The following HAUS4 variants were observed in gnomAD, a reference collection of about 807,000 sequenced individuals.
HAUS4 encodes the protein HAUS augmin-like complex subunit 4.
A neutral mutation model predicts 50.6 loss-of-function variants in HAUS4; 34 were observed. The ratio of observed to expected loss-of-function variants is 0.67; its 90% CI spans 0.51 to 0.90. HAUS4 has a LOEUF of 0.90. HAUS4 is among the 40% of genes least tolerant of loss of function. The pLI is 0.00. For missense variants in HAUS4, 370 were observed against 428.7 expected (o/e 0.86, Z 1.21); for synonymous variants, 149 against 161.4 (o/e 0.92, Z 0.58).
At position 22,956,969 on chromosome 14, in the gene HAUS4, G is replaced by GGGGA; in HGVS notation, c.-77_-76insTCCC. 1 of 154,708 alleles carries GGGGA rather than the reference G, an allele frequency of 6.5e-6. No homozygotes were observed. The highest frequency in any genetic ancestry group is 2.0e-4 in the South Asian group (1 of 4,926). 9.6% of individuals were successfully genotyped at this position (154,708 alleles called of 1,614,324 possible). On this transcript the variant is annotated 5_prime_UTR_variant, in exon 1 of 10. Transcript: ENST00000541587. Reference sequence around the variant, plus strand: ...CAAGGCGGTGCCGAGAACCTCGGCTGGGGCGGGCTGGCCAGCAGCGTCTAC... The same window carrying GGGGA: ...CAAGGCGGTGCCGAGAACCTCGGCTGGGGAGGGCGGGCTGGCCAGCAGCGTCTAC...
intron 1 of HAUS4, among the ~76,000 whole-genome samples, chr14:22,956,197 G>A (rs1434729044): frequency 6.6e-6 from 1 of 152,182 alleles, no homozygotes; most frequent in Non-Finnish European, 1.5e-5. Context: ...GCAGAATGCT[G>A]GGACTTAATT....
Position 22,951,648 on chromosome 14 carries a change from C to T in HAUS4, c.372G>A (p.Leu124=), listed in dbSNP as rs754058950. The T allele has an allele frequency of 2.5e-6, 4 of 1,613,926 alleles. No individual in the cohort carries two copies. The highest frequency in any genetic ancestry group is 3.3e-5 in the Admixed American group (2 of 59,982). The part of the protein sequence containing the change: ...TLEQRLLVTE[L]MRLLGPSQER... The stretch of plus-strand genomic sequence containing the variant: ...CCTGGCTAGGACCTAAGAGCCGCAT[C>T]AGTTCAGTTACAAGCAGCCGCTGTT... The change falls in exon 5 of 10, where the codon CTG becomes CTA. Residue 124 remains leucine (L), a synonymous_variant. Transcript: ENST00000541587.
rs914744697 is a variant in HAUS4, at chr14:22,955,137, G to A, written c.18C>T (p.Phe6=). MASGD[F]CSPGEGMEIL... ...TTTCCATCCCTTCTCCAGGTGAGCAGAAATCCCCGGATGCCATTTGATTTT... is the reference window on the plus strand; with the variant it reads ...TTTCCATCCCTTCTCCAGGTGAGCAAAAATCCCCGGATGCCATTTGATTTT... Residue 6 remains phenylalanine (F), a synonymous_variant, in exon 2 of 10, where the codon TTC becomes TTT. Transcript: ENST00000541587. 6.2e-7 allele frequency: 1 copy of A among 1,611,964 alleles called. No individual in the cohort carries two copies.
chr14:22,949,178 T>C (rs577626817), intron 6 of HAUS4, among the ~76,000 whole-genome samples: 1 of 121,608 alleles, frequency 8.2e-6, no homozygotes, highest in South Asian at 2.6e-4. Flanking sequence ...AAAAAAGAAA[T>C]GGTTTAGGGA....
chr14:22,950,225 A>C, intron 6 of HAUS4, 89 bp downstream of exon 6: 1 of 661,848 alleles, frequency 1.5e-6, no homozygotes. Context: ...CCTCTGTCCC[A>C]AATCTAAAAT....
At chr14:22,949,851 G>A (rs915254947) in intron 6 of HAUS4, among the ~76,000 whole-genome samples, 8 of 151,748 alleles carry the variant, frequency 5.3e-5, no homozygotes, top group East Asian at 3.9e-4. Flanking sequence ...TGTTTTGGCC[G>A]GGTGTGGTGG....
chr14:22,952,734 T>C, intron 2 of HAUS4, 51 bp from the exon 3 acceptor site: 1 of 1,459,964 alleles, frequency 6.8e-7, no homozygotes, highest in African/African-American at 1.4e-5. Context: ...GTGTGGACTC[T>C]TACTTTACAT....
rs779358269 is a variant in HAUS4, at chr14:22,947,846, G to T, written c.708+22C>A. 3.7e-6 allele frequency: 6 copies of T among 1,611,422 alleles called. No individual in the cohort carries two copies. The Admixed American group carries it at 1.0e-4, about 27-fold the overall frequency. The stretch of plus-strand genomic sequence containing the variant: ...CCTGGGGTCAGGATAAAGGAAAGGG[G>T]CTGTCCCATGCCCTGATAAACCTGG... On this transcript the variant is annotated intron_variant, in intron 7 of 9. Coordinates refer to ENST00000541587, the MANE Select transcript of HAUS4 (RefSeq NM_001166269.2).
At chr14:22,950,138 A>C (rs557924484) in intron 6 of HAUS4, among the ~76,000 whole-genome samples, 176 bp downstream of exon 6, 35 of 151,752 alleles carry the variant, frequency 2.3e-4, no homozygotes, top group South Asian at 1.7e-3. Flanking sequence ...CAAAAAAAAA[A>C]AAAAACAAAA....
intron 3 of HAUS4, 21 bp from the exon 4 acceptor site, chr14:22,952,480 A>G: frequency 6.2e-7 from 1 of 1,613,934 alleles, no homozygotes; most frequent in Non-Finnish European, 8.5e-7. Flanking sequence ...AAAAAATCTC[A>G]GGTAGGAACC....
chr14:22,953,221 C>G (rs1451208200), intron 2 of HAUS4, among the ~76,000 whole-genome samples: 1 of 151,836 alleles, frequency 6.6e-6, no homozygotes, highest in Non-Finnish European at 1.5e-5. Context: ...ACAATCACAG[C>G]TCACTGCAGC....
At chr14:22,950,970 A>G (rs1344577741) in intron 5 of HAUS4, among the ~76,000 whole-genome samples, 1 of 152,206 alleles carries the variant, frequency 6.6e-6, no homozygotes, top group Non-Finnish European at 1.5e-5. Flanking sequence ...TTGACTTGAA[A>G]AGAAATCCAA....
Position 22,946,422 on chromosome 14 carries a change from C to T in HAUS4, c.*103G>A. The T allele has an allele frequency of 1.3e-6, 1 of 777,164 alleles. No individual in the cohort carries two copies. 48.1% of individuals were successfully genotyped at this position (777,164 alleles called of 1,614,324 possible). ...TGTTTCAAGCGTAAGCATTTCCACA[C>T]TCCCTTGTACTGAAGGCAGCCCCAG... On this transcript the variant is annotated 3_prime_UTR_variant, in exon 10 of 10. Transcript: ENST00000541587.
At chr14:22,953,363 T>C (rs1292065490) in intron 2 of HAUS4, among the ~76,000 whole-genome samples, 1 of 152,106 alleles carries the variant, frequency 6.6e-6, no homozygotes, top group African/African-American at 2.4e-5. Flanking sequence ...TCTTGAACTC[T>C]TGGGCTCAAG....
chr14:22,953,094 G>A (rs1323472094), intron 2 of HAUS4, among the ~76,000 whole-genome samples: 1 of 152,050 alleles, frequency 6.6e-6, no homozygotes. Context: ...ATATGTAGTC[G>A]CATAAACAAG....
Position 22,948,023 on chromosome 14 carries a change from G to C in HAUS4, c.563-10C>G, listed in dbSNP as rs1483868390. 1.2e-6 allele frequency: 2 copies of C among 1,600,580 alleles called. No individual in the cohort carries two copies. Among genetic ancestry groups the C allele is most frequent in the African/African-American group, 2.7e-5 (2 of 74,564 alleles). On this transcript the variant is annotated splice_polypyrimidine_tract_variant and intron_variant, in intron 6 of 9. Transcript: ENST00000541587. ...GTTTCACTGTCAGCATCTGAGCAAAGGGGCAGAGGACTGACAGGAAAACCC... is the reference window on the plus strand; with the variant it reads ...GTTTCACTGTCAGCATCTGAGCAAACGGGCAGAGGACTGACAGGAAAACCC...
intron 5 of HAUS4, 137 bp from the exon 6 acceptor site, chr14:22,950,547 A>C (rs1393925891): frequency 3.4e-6 from 2 of 584,964 alleles, no homozygotes; most frequent in Non-Finnish European, 6.2e-6. Context: ...CTCATTTTTC[A>C]CCTATCAAAT....
chr14:22,946,707 CCCTA>C lies in HAUS4; in HGVS notation c.909-3_909del, dbSNP rs762738399. The C allele has an allele frequency of 6.2e-7, 1 of 1,603,574 alleles. No homozygotes were observed. Among genetic ancestry groups the C allele is most frequent in the Non-Finnish European group, 8.5e-7 (1 of 1,174,566 alleles). On this transcript the variant is annotated splice_acceptor_variant and splice_polypyrimidine_tract_variant and coding_sequence_variant and intron_variant, in exon 10 of 10. Transcript: ENST00000541587. LOFTEE classifies it high-confidence loss of function. Reference sequence around the variant, plus strand: ...AGGTGAATGGCTCCCTCCAAACGGTCCCTAAGAGCCCGGGCAGAGAAGGCACAAT... The same window carrying C: ...AGGTGAATGGCTCCCTCCAAACGGTCAGAGCCCGGGCAGAGAAGGCACAAT...
At chr14:22,956,688 C>A (rs1002683004) in intron 1 of HAUS4, 1 of 152,252 alleles carries the variant, frequency 6.6e-6, no homozygotes, top group Non-Finnish European at 1.5e-5. Context: ...TGTCTTTACA[C>A]GCTGCACTGA....
Sources: gnomAD v4.1 joint callset for allele counts (sites outside exome capture counted in the v4.1 genomes callset) on GRCh38, gnomAD v4.1.1 for gene constraint, MANE v1.5 for transcripts, NCBI Gene and HGNC (gene_info 2026-07-23, HGNC 2026-07-21) for gene names.